SMAD9: variants seen among roughly 807,000 people sequenced by gnomAD.
SMAD9 encodes the protein MAD homolog 9.
A neutral mutation model predicts 46.1 loss-of-function variants in SMAD9; 36 were observed. The observed-to-expected ratio is 0.78, with a 90% CI of 0.60 to 1.03. SMAD9 has a LOEUF of 1.03. Among genes scored for constraint, SMAD9 ranks in the 50% least tolerant of loss-of-function variants. SMAD9 has a pLI of 0.00. For synonymous variants in SMAD9, 245 were observed against 237.1 expected (o/e 1.03, Z -0.31); for missense variants, 572 against 599.8 (o/e 0.95, Z 0.48).
chr13:36,859,607 T>C (rs1392546265), intron 5 of SMAD9, among the ~76,000 whole-genome samples: 1 of 152,166 alleles, frequency 6.6e-6, no homozygotes, highest in African/African-American at 2.4e-5. Flanking sequence ...ATCAGGAAGT[T>C]ACCCTATATG....
At chr13:36,893,598 A>C (rs2058506130) in intron 1 of SMAD9, among the ~76,000 whole-genome samples, 1 of 151,636 alleles carries the variant, frequency 6.6e-6, no homozygotes, top group Admixed American at 6.6e-5. Flanking sequence ...TTCATATAGT[A>C]ATAAAAACAT....
chr13:36,873,185 T>C (rs2138440416), intron 2 of SMAD9, among the ~76,000 whole-genome samples: 1 of 152,246 alleles, frequency 6.6e-6, no homozygotes, highest in East Asian at 1.9e-4. Context: ...ACAAAAGCAT[T>C]TGGAGAAGGA....
At chr13:36,876,739 C>G (rs1769373308) in intron 2 of SMAD9, among the ~76,000 whole-genome samples, 1 of 152,092 alleles carries the variant, frequency 6.6e-6, no homozygotes, top group Admixed American at 6.5e-5. Flanking sequence ...TTCAATGTAT[C>G]TAAAATGGAT....
intron 1 of SMAD9, among the ~76,000 whole-genome samples, chr13:36,901,659 C>A (rs2058577391): frequency 6.6e-6 from 1 of 152,144 alleles, no homozygotes; most frequent in Admixed American, 6.6e-5. Context: ...AACTCCTAGC[C>A]TCAAATGATC....
intron 1 of SMAD9, among the ~76,000 whole-genome samples, chr13:36,891,498 T>A (rs2058488825): frequency 6.6e-6 from 1 of 152,184 alleles, no homozygotes; most frequent in Admixed American, 6.5e-5. Flanking sequence ...AAGGGGGAGA[T>A]GTGTTGCTTT....
At chr13:36,899,776 T>C (rs568280020) in intron 1 of SMAD9, among the ~76,000 whole-genome samples, 2 of 152,334 alleles carry the variant, frequency 1.3e-5, no homozygotes, top group African/African-American at 2.4e-5. Context: ...TTGGATGAGA[T>C]TGTGTAGTAT....
At chr13:36,873,678 C>A (rs1341524133) in intron 2 of SMAD9, among the ~76,000 whole-genome samples, 4 of 152,150 alleles carry the variant, frequency 2.6e-5, no homozygotes, top group Non-Finnish European at 5.9e-5. Context: ...GCCTAGCCAA[C>A]GTGGTGAAAC....
chr13:36,864,621 T>C (rs1026653063), intron 5 of SMAD9, among the ~76,000 whole-genome samples: 2 of 152,226 alleles, frequency 1.3e-5, no homozygotes, highest in Admixed American at 1.3e-4. Flanking sequence ...ATAAAGTAAC[T>C]GTCTCCATTA....
intron 4 of SMAD9, among the ~76,000 whole-genome samples, chr13:36,866,891 C>A (rs1047308138): frequency 1.3e-5 from 2 of 152,272 alleles, no homozygotes; most frequent in East Asian, 1.9e-4. Context: ...GTAAAAACCT[C>A]ATTTATGTAT....
At chr13:36,855,184 G>A (rs1163749985) in intron 5 of SMAD9, among the ~76,000 whole-genome samples, 4 of 150,214 alleles carry the variant, frequency 2.7e-5, no homozygotes, top group Admixed American at 2.0e-4. Flanking sequence ...GGGAGGCGGA[G>A]GCTGCAGTGA....
chr13:36,900,515 G>A (rs572521754), intron 1 of SMAD9, among the ~76,000 whole-genome samples: 37 of 152,006 alleles, frequency 2.4e-4, no homozygotes, highest in African/African-American at 7.7e-4. Flanking sequence ...TCCTGACCTC[G>A]TGATCCACCC....
chr13:36,863,353 C>T (rs933899800), intron 5 of SMAD9, among the ~76,000 whole-genome samples: 1 of 152,178 alleles, frequency 6.6e-6, no homozygotes, highest in African/African-American at 2.4e-5. Context: ...AAAACTGTAA[C>T]TTTGTCTTCG....
chr13:36,848,824 A>G lies in SMAD9; in HGVS notation c.1261-5T>C, dbSNP rs755761487. 3.1e-6 allele frequency: 5 copies of G among 1,613,666 alleles called. No homozygotes were observed. Among genetic ancestry groups the G allele is most frequent in the East Asian group, 2.2e-5 (1 of 44,866 alleles). On this transcript the variant is annotated splice_polypyrimidine_tract_variant and splice_region_variant and intron_variant, in intron 6 of 6. Coordinates refer to ENST00000379826, the MANE Select transcript of SMAD9 (RefSeq NM_001127217.3). ...ATGATACTCAGCACCCCAACCCTGA[A>G]AAACAAGAAAGGAGCTGAGTGATGG...
intron 1 of SMAD9, among the ~76,000 whole-genome samples, chr13:36,883,503 C>A (rs2058420837): frequency 6.6e-6 from 1 of 152,208 alleles, no homozygotes; most frequent in African/African-American, 2.4e-5. Flanking sequence ...GTAATCCCAG[C>A]ACTTTGGGAG....
At chr13:36,904,757 GAAC>G (rs1357530445) in intron 1 of SMAD9, among the ~76,000 whole-genome samples, 2 of 151,980 alleles carry the variant, frequency 1.3e-5, no homozygotes, top group Non-Finnish European at 2.9e-5. Flanking sequence ...TCTCTTTATT[GAAC>G]AACAAAGCCT....
intron 5 of SMAD9, among the ~76,000 whole-genome samples, chr13:36,860,382 C>G (rs182124189): frequency 6.6e-6 from 1 of 151,870 alleles, no homozygotes; most frequent in East Asian, 1.9e-4. Context: ...TGATCTATCT[C>G]AGAAAGTTCA....
intron 1 of SMAD9, among the ~76,000 whole-genome samples, chr13:36,885,544 T>G (rs1593597354): frequency 6.6e-6 from 1 of 152,176 alleles, no homozygotes; most frequent in Non-Finnish European, 1.5e-5. Flanking sequence ...TGGATACACA[T>G]AGAAATGGTA....
chr13:36,872,987 C>T, intron 2 of SMAD9, 72 bp from the exon 3 acceptor site: 3 of 1,531,206 alleles, frequency 2.0e-6, no homozygotes, highest in Non-Finnish European at 2.7e-6. Context: ...TGGATACTTG[C>T]TGTTCTTATC....
At chr13:36,874,438 G>A (rs2138449519) in intron 2 of SMAD9, among the ~76,000 whole-genome samples, 1 of 152,162 alleles carries the variant, frequency 6.6e-6, no homozygotes, top group South Asian at 2.1e-4. Context: ...GCCCTTCTGA[G>A]GACAAATAAT....
Sources: gnomAD v4.1 joint callset for allele counts (sites outside exome capture counted in the v4.1 genomes callset) on GRCh38, gnomAD v4.1.1 for gene constraint, MANE v1.5 for transcripts, NCBI Gene and HGNC (gene_info 2026-07-23, HGNC 2026-07-21) for gene names.